The following MAST4 variants were observed in gnomAD, a reference collection of about 807,000 sequenced individuals.
MAST4 encodes microtubule-associated serine/threonine-protein kinase 4.
A neutral mutation model predicts 162.7 loss-of-function variants in MAST4; 89 were observed. That is an observed-to-expected ratio of 0.55 (90% CI 0.46 to 0.65). The LOEUF is 0.65. Among genes scored for constraint, MAST4 ranks in the 30% least tolerant of loss-of-function variants. The pLI, the probability that MAST4 is intolerant of heterozygous loss-of-function variation, is 0.00. For synonymous variants in MAST4, 1,479 were observed against 1,361.1 expected, an observed-to-expected ratio of 1.09 and a Z score of -1.91; for missense variants, 3,153 against 3,374.0, an observed-to-expected ratio of 0.93 and a Z score of 1.62.
intron 1 of MAST4, among the ~76,000 whole-genome samples, chr5:66,611,906 G>A (rs765328736): frequency 6.6e-6 from 1 of 152,176 alleles, no homozygotes; most frequent in African/African-American, 2.4e-5. Flanking sequence ...ACTAAGATAA[G>A]TTTTCTTAAA....
chr5:67,161,045 G>A (rs1258575851), intron 27 of MAST4, among the ~76,000 whole-genome samples: 2 of 152,166 alleles, frequency 1.3e-5, no homozygotes, highest in Non-Finnish European at 2.9e-5. Context: ...AGAAATAAAA[G>A]GGCTTTGTTT....
At chr5:66,890,955 A>T (rs194468) in intron 3 of MAST4, among the ~76,000 whole-genome samples, 70,739 of 152,012 alleles carry the variant, frequency 0.47, 16,836 homozygotes, top group East Asian at 0.67. Flanking sequence ...GTGAAGGTAG[A>T]TGAGCTTAGT....
chr5:67,050,528 G>A (rs766413355), intron 4 of MAST4, among the ~76,000 whole-genome samples: 28 of 152,176 alleles, frequency 1.8e-4, no homozygotes, highest in Non-Finnish European at 3.5e-4. Flanking sequence ...TCAGCAAGGT[G>A]CATTTCTTGT....
At position 67,163,703 on chromosome 5, in the gene MAST4, C is replaced by G. The variant is rs201095763; in HGVS notation, c.4524C>G (p.Gly1508=). Residue 1508 remains glycine (G), a synonymous_variant, in exon 29 of 29, where the codon GGC becomes GGG. Coordinates refer to ENST00000403625, the MANE Select transcript of MAST4 (RefSeq NM_001164664.2). The surrounding 1 kb of genome is among the most constrained non-coding windows in gnomAD (Gnocchi z 7.0). The part of the protein sequence containing the change: ...PLSRARPVEQ[G]CLKRPVSRKV... ...GCCGCGCCCGGCCAGTGGAGCAAGG[C>G]TGCCTGAAACGCCCAGTCTCCCGGA... The G allele has an allele frequency of 6.8e-6, 11 of 1,609,078 alleles. No individual in the cohort carries two copies. In the African/African-American group the frequency reaches 1.1e-4, roughly 16 times the overall value.
At chr5:66,878,294 T>C (rs558053111) in intron 3 of MAST4, among the ~76,000 whole-genome samples, 2 of 152,376 alleles carry the variant, frequency 1.3e-5, no homozygotes, top group African/African-American at 4.8e-5. Context: ...GACAAAGCTA[T>C]GACAGCGTGT....
chr5:66,974,154 C>T (rs968005617), intron 4 of MAST4, among the ~76,000 whole-genome samples: 4 of 152,182 alleles, frequency 2.6e-5, no homozygotes, highest in Admixed American at 2.0e-4. Context: ...TTTTGGACTG[C>T]TTCATGATGT....
At chr5:66,694,333 A>G (rs894399194) in intron 1 of MAST4, among the ~76,000 whole-genome samples, 3 of 152,196 alleles carry the variant, frequency 2.0e-5, no homozygotes, top group African/African-American at 7.2e-5. Context: ...GGCAGCCAAC[A>G]GTCCCTCTCC....
At chr5:66,598,250 C>G (rs1742326571) in intron 1 of MAST4, among the ~76,000 whole-genome samples, 1 of 152,154 alleles carries the variant, frequency 6.6e-6, no homozygotes, top group Non-Finnish European at 1.5e-5. Context: ...TTCCCCTAAG[C>G]CCCCATTGCA....
At chr5:66,828,673 C>A in intron 3 of MAST4, 1 of 881,300 alleles carries the variant, frequency 1.1e-6, no homozygotes, top group Non-Finnish European at 1.7e-6. Flanking sequence ...CCGTGATCTC[C>A]GAAGTTGCTG....
At chr5:67,036,217 G>A (rs994139933) in intron 4 of MAST4, among the ~76,000 whole-genome samples, 2 of 152,090 alleles carry the variant, frequency 1.3e-5, no homozygotes, top group Non-Finnish European at 2.9e-5. Context: ...TCCTGTTACA[G>A]GACCCATTGC....
intron 3 of MAST4, among the ~76,000 whole-genome samples, chr5:66,827,076 A>G (rs961413104): frequency 2.1e-4 from 32 of 152,374 alleles, no homozygotes; most frequent in African/African-American, 7.7e-4. Flanking sequence ...ACAGATTGCC[A>G]AAAGATAGAA....
intron 4 of MAST4, among the ~76,000 whole-genome samples, chr5:67,054,147 G>A (rs549802627): frequency 3.3e-5 from 5 of 152,264 alleles, no homozygotes; most frequent in Middle Eastern, 3.4e-3. Flanking sequence ...GCACTCAAGC[G>A]CTGGAAGAAG....
chr5:66,637,326 A>G (rs143392409), intron 1 of MAST4, among the ~76,000 whole-genome samples: 196 of 151,214 alleles, frequency 1.3e-3, no homozygotes, highest in Non-Finnish European at 1.9e-3. Flanking sequence ...TCTCCTTAGG[A>G]TAAATTCCTG....
At chr5:66,780,823 A>T (rs568636195) in intron 2 of MAST4, among the ~76,000 whole-genome samples, 2 of 152,214 alleles carry the variant, frequency 1.3e-5, no homozygotes, top group African/African-American at 4.8e-5. Flanking sequence ...GCATTTTTAC[A>T]GAGTGCGGAT....
In MAST4 at chr5:66,608,355, C is replaced by CTTTT. The variant is rs72272071; in HGVS notation, c.363+11365_363+11368dup. Among the ~76,000 whole-genome samples, 74 of 44,426 alleles carry CTTTT rather than the reference C, an allele frequency of 1.7e-3. 6 individuals are homozygous for CTTTT. Among genetic ancestry groups the CTTTT allele is most frequent in the African/African-American group, 3.9e-3 (42 of 10,672 alleles). 29.1% of individuals were successfully genotyped at this position (44,426 alleles called of 152,430 possible). On this transcript the variant is annotated intron_variant, in intron 1 of 28. Coordinates refer to ENST00000403625, the MANE Select transcript of MAST4 (RefSeq NM_001164664.2). ...ACAGACATGAACCACTGTGCCTGGC[C>CTTTT]TTTTTTTTTTTTTTTTTTTTTTTTT...
intron 1 of MAST4, among the ~76,000 whole-genome samples, chr5:66,669,148 C>A (rs146547169): frequency 3.9e-5 from 6 of 152,286 alleles, no homozygotes; most frequent in South Asian, 4.1e-4. Context: ...TTCTCCTCCA[C>A]CATCTACCAC....
At chr5:66,653,894 A>G (rs1450706106) in intron 1 of MAST4, among the ~76,000 whole-genome samples, 12 of 152,162 alleles carry the variant, frequency 7.9e-5, no homozygotes, top group Admixed American at 5.2e-4. Flanking sequence ...AAGTTCTGTA[A>G]AGGAGGAGCG....
intron 4 of MAST4, among the ~76,000 whole-genome samples, chr5:67,000,488 C>A (rs1409045499): frequency 6.6e-6 from 1 of 152,146 alleles, no homozygotes; most frequent in African/African-American, 2.4e-5. Flanking sequence ...TGGTGGCTCA[C>A]GCCTGTAAGC....
At chr5:66,615,448 C>T (rs575959257) in intron 1 of MAST4, among the ~76,000 whole-genome samples, 4 of 152,294 alleles carry the variant, frequency 2.6e-5, no homozygotes, top group Non-Finnish European at 5.9e-5. Flanking sequence ...CCCTTTGCTT[C>T]TGTGACATCC....
Sources: allele counts gnomAD v4.1 joint callset (sites outside exome capture counted in the v4.1 genomes callset), GRCh38; gene constraint gnomAD v4.1.1; non-coding constraint Gnocchi (gnomAD v3.1); transcripts MANE v1.5; gene names NCBI Gene and HGNC (gene_info 2026-07-23, HGNC 2026-07-21).